The following FUT9 variants were observed in gnomAD, a reference collection of about 807,000 sequenced individuals.
The protein encoded by FUT9 is fucosyltransferase 9.
In FUT9, 15 loss-of-function variants were observed where a neutral mutation model predicts 29.7. That is an observed-to-expected ratio of 0.51 (90% CI 0.34 to 0.78). The LOEUF is 0.78. Ranked by LOEUF, FUT9 falls within the 30% of genes least tolerant of loss-of-function variation. The probability of loss-of-function intolerance (pLI) is 0.01; values close to 1 mark genes in which losing one functional copy is unlikely to be tolerated. For missense variants in FUT9, 319 were observed against 425.4 expected (o/e 0.75, Z 2.20); for synonymous variants, 169 against 153.7 (o/e 1.10, Z -0.74).
chr6:96,071,992 C>G (rs1415156778), intron 1 of FUT9, among the ~76,000 whole-genome samples: 2 of 151,984 alleles, frequency 1.3e-5, no homozygotes, highest in Non-Finnish European at 2.9e-5. Flanking sequence ...GCAAAATGCT[C>G]TCTATGAATT....
chr6:96,044,906 T>C (rs1770535756), intron 1 of FUT9, among the ~76,000 whole-genome samples: 1 of 152,322 alleles, frequency 6.6e-6, no homozygotes, highest in South Asian at 2.1e-4. Flanking sequence ...TAATTACTGC[T>C]GATACATACA....
rs1771283786 is a variant in FUT9 at position 96,084,318 on chromosome 6, A to G, written c.-97-29721A>G. On this transcript the variant is annotated intron_variant, in intron 1 of 2. Transcript: ENST00000302103. ...CTGGAAAGACCATCTGGCACTTTTTATAAGTGTTATGTTGTTTTTTAAGCT... is the reference window on the plus strand; with the variant it reads ...CTGGAAAGACCATCTGGCACTTTTTGTAAGTGTTATGTTGTTTTTTAAGCT... Among the ~76,000 whole-genome samples, 3 of 152,128 alleles carry G rather than the reference A, an allele frequency of 2.0e-5. No homozygotes were observed. The South Asian group carries it at 6.2e-4, about 31-fold the overall frequency.
In FUT9 at chr6:96,133,997, C is replaced by CT. The variant is rs1227881297; in HGVS notation, c.-9+19877dup. Among the ~76,000 whole-genome samples the CT allele has an allele frequency of 5.9e-5, 9 of 151,352 alleles. No homozygotes were observed. The East Asian group carries it at 1.6e-3, about 26-fold the overall frequency. ...TTCAAAGAGATATCCTTAAGTACTT[C>CT]TTTTTTTGACTCCTAAGTATAGAAG... On this transcript the variant is annotated intron_variant, in intron 2 of 2. Transcript: ENST00000302103.
chr6:96,157,366 T>C (rs1161665441), intron 2 of FUT9, among the ~76,000 whole-genome samples: 1 of 152,178 alleles, frequency 6.6e-6, no homozygotes. Flanking sequence ...CTGTAAAGAT[T>C]CTCTGTCTTT....
intron 1 of FUT9, among the ~76,000 whole-genome samples, chr6:96,070,146 T>C (rs137910139): frequency 1.2e-3 from 183 of 152,310 alleles, no homozygotes; most frequent in African/African-American, 4.2e-3. Flanking sequence ...ACCTTGTTGA[T>C]GAGCTGATAA....
intron 1 of FUT9, among the ~76,000 whole-genome samples, chr6:96,091,022 G>A (rs1198786183): frequency 6.6e-6 from 1 of 152,012 alleles, no homozygotes; most frequent in African/African-American, 2.4e-5. Context: ...AAGCCATTGA[G>A]AATATATTCT....
At chr6:96,155,961 TTTG>T (rs1266230636) in intron 2 of FUT9, among the ~76,000 whole-genome samples, 1 of 152,198 alleles carries the variant, frequency 6.6e-6, no homozygotes, top group East Asian at 1.9e-4. Context: ...TTGTTTGCTT[TTTG>T]TTAACTTTTC....
rs546397525 is a variant in FUT9 at position 96,111,287 on chromosome 6, A to G, written c.-97-2752A>G. On this transcript the variant is annotated intron_variant, in intron 1 of 2. Transcript: ENST00000302103. ...CCCCACGGCAGGCAGATGCCTTATC[A>G]TTGTAGGCAGAAAGACATGTAGAAA... is the stretch of plus-strand genomic sequence containing the variant. 5.9e-5 allele frequency among the ~76,000 whole-genome samples: 9 copies of G among 152,266 alleles called. No individual in the cohort carries two copies. The South Asian group carries it at 1.9e-3, about 32-fold the overall frequency.
chr6:96,183,322 T>TTG (rs1281691548), intron 2 of FUT9, among the ~76,000 whole-genome samples: 2 of 152,054 alleles, frequency 1.3e-5, no homozygotes, highest in African/African-American at 2.4e-5. Flanking sequence ...GCTGAATTCT[T>TTG]TTATCAGTTT....
chr6:96,060,725 A>G (rs1273299229), intron 1 of FUT9, among the ~76,000 whole-genome samples: 3 of 151,970 alleles, frequency 2.0e-5, no homozygotes, highest in African/African-American at 7.2e-5. Flanking sequence ...TTTTGTAGAG[A>G]CAGGTTTTCA....
intron 2 of FUT9, among the ~76,000 whole-genome samples, chr6:96,179,134 A>G (rs182935236): frequency 6.6e-6 from 1 of 152,278 alleles, no homozygotes; most frequent in Non-Finnish European, 1.5e-5. Context: ...CCCGTATTGT[A>G]TATGACCATA....
rs117560999 is a variant in FUT9 at position 96,177,217 on chromosome 6, C to T, written c.-8-25931C>T. 2.2e-3 allele frequency among the ~76,000 whole-genome samples: 328 copies of T among 152,136 alleles called. 1 individual carries two copies. The highest frequency in any genetic ancestry group is 3.5e-3 in the Non-Finnish European group (241 of 67,996). On this transcript the variant is annotated intron_variant, in intron 2 of 2. Coordinates refer to ENST00000302103, the MANE Select transcript of FUT9 (RefSeq NM_006581.4). ...AAAACAATTGAGTTTGTATCTTTTA[C>T]TATATGTCAGAAGGTGAAAATTACA...
chr6:96,154,533 A>G (rs1052115219), intron 2 of FUT9, among the ~76,000 whole-genome samples: 1 of 152,142 alleles, frequency 6.6e-6, no homozygotes, highest in African/African-American at 2.4e-5. Flanking sequence ...AAGGAAAGTA[A>G]ATGTATTAAT....
In FUT9 at chr6:96,212,333, G is replaced by C; in HGVS notation, c.*8098G>C. 2.4e-6 allele frequency: 1 copy of C among 412,700 alleles called. No homozygotes were observed. Among genetic ancestry groups the C allele is most frequent in the Non-Finnish European group, 4.4e-6 (1 of 225,546 alleles). 25.6% of individuals were successfully genotyped at this position (412,700 alleles called of 1,614,324 possible). On this transcript the variant is annotated 3_prime_UTR_variant, in exon 3 of 3. Transcript: ENST00000302103. ...AATACATGTCTCCAGGGACTGTAAT[G>C]AGATCAGGCTTTTCATTTACTGGTT...
intron 2 of FUT9, among the ~76,000 whole-genome samples, chr6:96,166,043 G>T (rs546118400): frequency 3.7e-4 from 56 of 152,056 alleles, no homozygotes; most frequent in Non-Finnish European, 1.5e-4. Flanking sequence ...TGGTGATTCA[G>T]CCCCAGGAAT....
At chr6:96,056,859 G>T (rs1332362888) in intron 1 of FUT9, among the ~76,000 whole-genome samples, 1 of 152,048 alleles carries the variant, frequency 6.6e-6, no homozygotes, top group Non-Finnish European at 1.5e-5. Flanking sequence ...ACTTAACGAT[G>T]GTCTGACTTG....
Position 96,208,008 on chromosome 6 carries a change from C to G in FUT9, c.*3773C>G, listed in dbSNP as rs1773864654. ...AAATCATCTTAGTGGGAAACAAATA[C>G]ATGCTTAAAATTGTTATATTTACTG... is the stretch of plus-strand genomic sequence containing the variant. On this transcript the variant is annotated 3_prime_UTR_variant, in exon 3 of 3. Transcript: ENST00000302103. The G allele has an allele frequency of 6.0e-6, 1 of 166,448 alleles. No individual in the cohort carries two copies. Among genetic ancestry groups the G allele is most frequent in the South Asian group, 2.1e-4 (1 of 4,810 alleles). The allele number at this position is 166,448 out of a possible 1,614,324, so 10.3% of individuals were successfully genotyped here. A position where few individuals can be genotyped will look rare whatever the true frequency, so the allele number is the denominator to read the frequency against.
chr6:96,176,143 A>G (rs1487744179), intron 2 of FUT9, among the ~76,000 whole-genome samples: 1 of 152,056 alleles, frequency 6.6e-6, no homozygotes, highest in Non-Finnish European at 1.5e-5. Flanking sequence ...CGAGAGTTAC[A>G]TGGCCCACTC....
At chr6:96,067,613 G>A (rs1340131944) in intron 1 of FUT9, among the ~76,000 whole-genome samples, 1 of 152,084 alleles carries the variant, frequency 6.6e-6, no homozygotes, top group Non-Finnish European at 1.5e-5. Context: ...AGATTGACAG[G>A]TCTTGGTAAA....
Sources: gnomAD v4.1 joint callset for allele counts (sites outside exome capture counted in the v4.1 genomes callset) on GRCh38, gnomAD v4.1.1 for gene constraint, MANE v1.5 for transcripts, NCBI Gene and HGNC (gene_info 2026-07-23, HGNC 2026-07-21) for gene names.